Variants in DLGAP1 observed in about 807,000 individuals in gnomAD.
DLGAP1 encodes disks large-associated protein 1.
In DLGAP1, 11 loss-of-function variants were observed where a neutral mutation model predicts 90.8. The ratio of observed to expected loss-of-function variants is 0.12; its 90% CI spans 0.08 to 0.20. DLGAP1 has a LOEUF of 0.20. Among genes scored for constraint, DLGAP1 ranks in the 10% least tolerant of loss-of-function variants. The pLI, the probability that DLGAP1 is intolerant of heterozygous loss-of-function variation, is 1.00. For synonymous variants in DLGAP1, 558 were observed against 540.7 expected (o/e 1.03, Z -0.44); for missense variants, 1,050 against 1,333.8 (o/e 0.79, Z 3.31).
intron 4 of DLGAP1, among the ~76,000 whole-genome samples, chr18:3,819,577 G>GA (rs1212425712): frequency 6.6e-6 from 1 of 151,966 alleles, no homozygotes; most frequent in Non-Finnish European, 1.5e-5. Flanking sequence ...CATGAGTTTG[G>GA]AAAAAAACAT....
intron 7 of DLGAP1, among the ~76,000 whole-genome samples, chr18:3,725,177 T>G (rs536556570): frequency 6.6e-6 from 1 of 152,322 alleles, no homozygotes; most frequent in South Asian, 2.1e-4. Flanking sequence ...GTGCCTGTAT[T>G]TGGCCGGATG....
At chr18:3,952,151 C>A (rs76371870) in intron 3 of DLGAP1, among the ~76,000 whole-genome samples, 2 of 152,110 alleles carry the variant, frequency 1.3e-5, no homozygotes, top group Non-Finnish European at 2.9e-5. Context: ...TAAAACTATG[C>A]GTAGGAGCAT....
At chr18:4,081,846 T>C (rs955495878) in intron 2 of DLGAP1, among the ~76,000 whole-genome samples, 2 of 152,212 alleles carry the variant, frequency 1.3e-5, no homozygotes, top group Non-Finnish European at 2.9e-5. Flanking sequence ...CCAGTCATTT[T>C]TCCCTAAAAA....
At chr18:4,171,427 A>T (rs1403590931) in intron 1 of DLGAP1, among the ~76,000 whole-genome samples, 2 of 151,856 alleles carry the variant, frequency 1.3e-5, no homozygotes, top group East Asian at 1.9e-4. Flanking sequence ...CAGCCAGGCG[A>T]GGTGGCAGGC....
At chr18:3,599,540 G>C (rs1056475868) in intron 7 of DLGAP1, among the ~76,000 whole-genome samples, 1 of 152,236 alleles carries the variant, frequency 6.6e-6, no homozygotes, top group East Asian at 1.9e-4. Context: ...CCCACCTGTG[G>C]AGGGTGGCAA....
At chr18:3,780,928 G>A (rs1411614119) in intron 5 of DLGAP1, among the ~76,000 whole-genome samples, 1 of 152,052 alleles carries the variant, frequency 6.6e-6, no homozygotes, top group African/African-American at 2.4e-5. Flanking sequence ...TCTCACTTCA[G>A]TCTCCCAAGT....
intron 2 of DLGAP1, among the ~76,000 whole-genome samples, chr18:4,034,790 G>T (rs1450295173): frequency 6.6e-5 from 10 of 151,674 alleles, no homozygotes; most frequent in Non-Finnish European, 1.3e-4. Context: ...GCCCATGAAA[G>T]AAACAAATAT....
At position 3,879,798 on chromosome 18, in the gene DLGAP1, T is replaced by C; in HGVS notation, c.271A>G (p.Thr91Ala). The C allele has an allele frequency of 2.5e-6, 4 of 1,607,194 alleles. No homozygotes were observed. Among genetic ancestry groups the C allele is most frequent in the Non-Finnish European group, 3.4e-6 (4 of 1,179,864 alleles). The change falls in exon 4 of 13, where the codon ACC (threonine) becomes GCC (alanine). Residue 91 changes from threonine (T) to alanine (A), a missense_variant. Transcript: ENST00000315677. The surrounding 1 kb of genome is among the most constrained non-coding windows in gnomAD (Gnocchi z 6.6). ...ATGCGGTTCGCCTTGGTGGCCAGGGTGCGGGGCACCAGGGCACACTCGTCC... is the reference window on the plus strand; with the variant it reads ...ATGCGGTTCGCCTTGGTGGCCAGGGCGCGGGGCACCAGGGCACACTCGTCC... ...LKDECALVPR[T>A]LATKANRIPA... is the part of the protein sequence containing the mutation.
At chr18:4,193,331 T>C (rs1444772769) in intron 1 of DLGAP1, among the ~76,000 whole-genome samples, 1 of 152,234 alleles carries the variant, frequency 6.6e-6, no homozygotes, top group African/African-American at 2.4e-5. Flanking sequence ...GCATAGATTA[T>C]TGAAACTAGG....
At chr18:3,568,335 C>G (rs1011828312) in intron 8 of DLGAP1, among the ~76,000 whole-genome samples, 3 of 151,906 alleles carry the variant, frequency 2.0e-5, no homozygotes, top group African/African-American at 7.3e-5. Flanking sequence ...CATTTTTCTC[C>G]CCTTAAATAA....
chr18:3,691,860 CAGTGAGCCG>C (rs1343653787), intron 7 of DLGAP1, among the ~76,000 whole-genome samples: 2 of 151,856 alleles, frequency 1.3e-5, no homozygotes, highest in Non-Finnish European at 2.9e-5. Flanking sequence ...GTGGAGGTTA[CAGTGAGCCG>C]AGATCATGCC....
At chr18:3,531,126 T>G (rs1317843223) in intron 10 of DLGAP1, among the ~76,000 whole-genome samples, 3 of 152,182 alleles carry the variant, frequency 2.0e-5, no homozygotes, top group Admixed American at 2.0e-4. Context: ...TGATTTATAG[T>G]AGATGTTAAA....
At chr18:3,858,727 A>C (rs2069835409) in intron 4 of DLGAP1, among the ~76,000 whole-genome samples, 3 of 152,106 alleles carry the variant, frequency 2.0e-5, no homozygotes, top group Non-Finnish European at 2.9e-5. Context: ...GGGAATCTAG[A>C]TCTAATAAAC....
intron 1 of DLGAP1, among the ~76,000 whole-genome samples, chr18:4,333,012 T>C (rs1243520688): frequency 2.0e-5 from 3 of 152,000 alleles, no homozygotes; most frequent in Admixed American, 2.0e-4. Flanking sequence ...AGCTACATAT[T>C]ATCCTGCTTT....
At chr18:4,177,983 A>T (rs1052407231) in intron 1 of DLGAP1, among the ~76,000 whole-genome samples, 2 of 151,976 alleles carry the variant, frequency 1.3e-5, no homozygotes, top group African/African-American at 2.4e-5. Context: ...CTTTCCAGAC[A>T]TACATCCCTA....
intron 1 of DLGAP1, among the ~76,000 whole-genome samples, chr18:4,175,184 C>T (rs1233579007): frequency 6.6e-6 from 1 of 152,142 alleles, no homozygotes; most frequent in Non-Finnish European, 1.5e-5. Flanking sequence ...TGATGATGAG[C>T]TTTTTTTCAT....
intron 1 of DLGAP1, among the ~76,000 whole-genome samples, chr18:4,212,590 T>C (rs7227688): frequency 0.19 from 27,533 of 143,752 alleles, 2,831 homozygotes; most frequent in African/African-American, 0.26. Flanking sequence ...GAGACTGCAC[T>C]GCTGCACTCC....
intron 2 of DLGAP1, among the ~76,000 whole-genome samples, chr18:4,137,041 C>T (rs1201773762): frequency 2.6e-5 from 4 of 151,990 alleles, no homozygotes; most frequent in Non-Finnish European, 5.9e-5. Flanking sequence ...CTAATGCTAT[C>T]CCTCCCCCCT....
intron 2 of DLGAP1, among the ~76,000 whole-genome samples, chr18:4,056,820 C>T (rs559863262): frequency 1.3e-5 from 2 of 152,106 alleles, no homozygotes; most frequent in South Asian, 4.1e-4. Flanking sequence ...TCTACAGAGC[C>T]CTTTTATTTT....
Sources: gnomAD v4.1 joint callset for allele counts (sites outside exome capture counted in the v4.1 genomes callset) on GRCh38, gnomAD v4.1.1 for gene constraint, Gnocchi (gnomAD v3.1) non-coding constraint, MANE v1.5 for transcripts, NCBI Gene and HGNC (gene_info 2026-07-23, HGNC 2026-07-21) for gene names.